The following USP25 variants were observed in gnomAD, a reference collection of about 807,000 sequenced individuals.
The protein encoded by USP25 is ubiquitin specific peptidase 25.
In USP25, 85 loss-of-function variants were observed where a neutral mutation model predicts 158.5. That is an observed-to-expected ratio of 0.54 (90% CI 0.45 to 0.64). USP25 has a LOEUF of 0.64. USP25 is among the 30% of genes least tolerant of loss of function. The pLI is 0.00. For missense variants in USP25, 1,242 were observed against 1,327.3 expected (o/e 0.94, Z 1.00); for synonymous variants, 464 against 460.4 (o/e 1.01, Z -0.10).
intron 1 of USP25, among the ~76,000 whole-genome samples, chr21:15,750,295 A>G (rs375996527): frequency 1.4e-5 from 2 of 146,866 alleles, no homozygotes; most frequent in South Asian, 2.1e-4. Context: ...GAAGTGGCAC[A>G]ATCTTGGTTC....
chr21:15,832,662 C>A (rs2037859582), intron 16 of USP25, among the ~76,000 whole-genome samples: 1 of 151,846 alleles, frequency 6.6e-6, no homozygotes, highest in African/African-American at 2.4e-5. Flanking sequence ...TTTAAGTGAT[C>A]AAACATCTGG....
chr21:15,847,679 C>G lies in USP25; in HGVS notation c.2354C>G (p.Thr785Arg), dbSNP rs756832804. The G allele has an allele frequency of 1.5e-5, 23 of 1,549,682 alleles. No individual in the cohort carries two copies. In the African/African-American group the frequency reaches 2.9e-4, roughly 19 times the overall value. Residue 785 changes from threonine (T) to arginine (R), a missense_variant, in exon 19 of 26, where the codon ACA (threonine) becomes AGA (arginine). Physicochemically the swap from Thr to Arg is moderately conservative, Grantham distance 71 (BLOSUM62 -1). Transcript: ENST00000400183. ...CTTCTGCAGAAACCTGAAAATACTA[C>G]AAGCCAACCACTTTCTAATCAGCGA... ...TVLQSKPENTTSQPLSNQRVV... is the reference protein window; with the variant it reads ...TVLQSKPENTRSQPLSNQRVV...
Position 15,878,664 on chromosome 21 carries a change from TCAGA to T in USP25, c.*192_*195del, listed in dbSNP as rs1601213497. 1.4e-5 allele frequency: 7 copies of T among 490,536 alleles called. No individual in the cohort carries two copies. The East Asian group carries it at 2.4e-4, about 17-fold the overall frequency. The allele number at this position is 490,536 out of a possible 1,614,324, so 30.4% of individuals were successfully genotyped here. On this transcript the variant is annotated 3_prime_UTR_variant, in exon 26 of 26. Transcript: ENST00000400183. ...AATAAAGCTGAAAATCGCATGGCGC[TCAGA>T]CATTTTAACCGGAACTGATGTATAA...
rs199581807 is a variant in USP25, at chr21:15,811,232, T to C, written c.931+22T>C. On this transcript the variant is annotated intron_variant, in intron 9 of 25. Transcript: ENST00000400183. Reference sequence around the variant, plus strand: ...GAAGGTAGAGTTATACATTTACTTTTTATTGCAAGTGAAGAGAGATTATTA... The same window carrying C: ...GAAGGTAGAGTTATACATTTACTTTCTATTGCAAGTGAAGAGAGATTATTA... 7.0e-6 allele frequency: 11 copies of C among 1,579,180 alleles called. No homozygotes were observed. The African/African-American group carries it at 1.4e-4, about 20-fold the overall frequency.
chr21:15,742,042 G>A (rs2032105381), intron 1 of USP25, among the ~76,000 whole-genome samples: 1 of 151,954 alleles, frequency 6.6e-6, no homozygotes, highest in Admixed American at 6.5e-5. Flanking sequence ...TAGTGCAGTT[G>A]CAGGGGTGGG....
At chr21:15,793,191 T>G (rs1255987101) in intron 5 of USP25, among the ~76,000 whole-genome samples, 1 of 151,692 alleles carries the variant, frequency 6.6e-6, no homozygotes, top group African/African-American at 2.4e-5. Flanking sequence ...GGTCATTGAT[T>G]AGAAGCTTTT....
At chr21:15,730,779 A>G (rs980476188) in intron 1 of USP25, among the ~76,000 whole-genome samples, 12 of 152,166 alleles carry the variant, frequency 7.9e-5, no homozygotes, top group African/African-American at 2.9e-4. Flanking sequence ...AAGAATAGCT[A>G]GTTGTCATCC....
intron 2 of USP25, 111 bp from the exon 3 acceptor site, chr21:15,765,886 T>C (rs2034012300): frequency 1.9e-6 from 2 of 1,065,450 alleles, no homozygotes; most frequent in Admixed American, 5.9e-5. Context: ...ATAGATTAAT[T>C]GCAAATTTAA....
At chr21:15,863,039 T>TG (rs1244241324) in intron 20 of USP25, among the ~76,000 whole-genome samples, 1 of 152,016 alleles carries the variant, frequency 6.6e-6, no homozygotes, top group East Asian at 1.9e-4. Context: ...TTTGTAATCT[T>TG]GCCTGAAGCC....
intron 6 of USP25, among the ~76,000 whole-genome samples, chr21:15,800,331 C>T (rs1048806256): frequency 1.3e-5 from 2 of 151,126 alleles, no homozygotes; most frequent in African/African-American, 4.8e-5. Context: ...GGCCAGATTG[C>T]GTGGGTTCTA....
chr21:15,826,447 A>G lies in USP25; in HGVS notation c.1466+82A>G. 1.3e-6 allele frequency: 2 copies of G among 1,488,884 alleles called. No homozygotes were observed. The highest frequency in any genetic ancestry group is 1.2e-5 in the South Asian group (1 of 81,062). The allele number at this position is 1,488,884 out of a possible 1,614,324, so 92.2% of individuals were successfully genotyped here. A position where few individuals can be genotyped will look rare whatever the true frequency, so the allele number is the denominator to read the frequency against. On this transcript the variant is annotated intron_variant, in intron 13 of 25. Transcript: ENST00000400183. This position sits in a 1 kb window ranked among gnomAD's most constrained non-coding sequence, Gnocchi z 4.8. ...ACTGCTGCCTTTAAAGACAGTTTCT[A>G]TAAAATGTATGCTTTGATTTACTTC...
At chr21:15,790,682 A>ATTTTATTT in intron 4 of USP25, among the ~76,000 whole-genome samples, 1 of 148,292 alleles carries the variant, frequency 6.7e-6, no homozygotes, top group Non-Finnish European at 1.5e-5. Flanking sequence ...GAAGCCAAGT[A>ATTTTATTT]GCAAGTAACA....
chr21:15,736,847 CTA>C (rs1253832208), intron 1 of USP25, among the ~76,000 whole-genome samples: 2 of 147,836 alleles, frequency 1.4e-5, no homozygotes, highest in African/African-American at 5.0e-5. Flanking sequence ...TTTTAATTAA[CTA>C]TTTAATTTTA....
intron 17 of USP25, among the ~76,000 whole-genome samples, chr21:15,838,679 G>A (rs568057550): frequency 6.6e-5 from 10 of 152,186 alleles, no homozygotes; most frequent in South Asian, 4.1e-4. Context: ...CAAGCAGTCC[G>A]CTTTAAATCT....
At chr21:15,732,281 T>C (rs1411278141) in intron 1 of USP25, among the ~76,000 whole-genome samples, 2 of 152,216 alleles carry the variant, frequency 1.3e-5, no homozygotes, top group Non-Finnish European at 2.9e-5. Context: ...AGAGAAACTT[T>C]TATACTTCCA....
At chr21:15,750,215 T>TGTG (rs1491098028) in intron 1 of USP25, among the ~76,000 whole-genome samples, 1 of 9,096 alleles carries the variant, frequency 1.1e-4, no homozygotes, top group African/African-American at 1.3e-4. Context: ...TGTGTGTATG[T>TGTG]TTTTTTTTTT....
intron 1 of USP25, among the ~76,000 whole-genome samples, chr21:15,757,591 C>CA (rs945346060): frequency 1.2e-4 from 18 of 152,216 alleles, no homozygotes; most frequent in African/African-American, 2.4e-5. Flanking sequence ...CACTCACACT[C>CA]ACAGATTTGC....
At chr21:15,867,136 T>C (rs911465607) in intron 22 of USP25, among the ~76,000 whole-genome samples, 10 of 152,178 alleles carry the variant, frequency 6.6e-5, no homozygotes, top group Non-Finnish European at 1.5e-4. Context: ...CAACTTTGGC[T>C]TTAAAATATT....
chr21:15,813,041 C>G (rs2036752142), intron 9 of USP25, among the ~76,000 whole-genome samples: 1 of 151,704 alleles, frequency 6.6e-6, no homozygotes. Flanking sequence ...GCACCCCCTC[C>G]CTGTTCTCTA....
Sources: gnomAD v4.1 joint callset for allele counts (sites outside exome capture counted in the v4.1 genomes callset) on GRCh38, gnomAD v4.1.1 for gene constraint, Gnocchi (gnomAD v3.1) non-coding constraint, MANE v1.5 for transcripts, NCBI Gene and HGNC (gene_info 2026-07-23, HGNC 2026-07-21) for gene names.